Variants in IPCEF1 observed in about 807,000 individuals in gnomAD.
The protein encoded by IPCEF1 is interactor protein for cytohesin exchange factors 1.
IPCEF1 carries 31 observed loss-of-function variants against 50.9 expected under a neutral mutation model. That is an observed-to-expected ratio of 0.61 (90% confidence interval 0.46 to 0.82). The LOEUF is 0.82. Among genes scored for constraint, IPCEF1 ranks in the 40% least tolerant of loss-of-function variants. The pLI is 0.00. For synonymous variants in IPCEF1, 181 were observed against 192.0 expected (o/e 0.94, Z 0.47); for missense variants, 458 against 514.0 (o/e 0.89, Z 1.05).
In IPCEF1 at chr6:154,355,685, C is replaced by T. The variant is rs192752315; in HGVS notation, c.-62+987G>A. Among the ~76,000 whole-genome samples, 116 of 152,190 alleles carry T rather than the reference C, an allele frequency of 7.6e-4. 2 individuals are homozygous for T. The highest frequency in any genetic ancestry group is 6.5e-3 in the Admixed American group (99 of 15,286). On this transcript the variant is annotated intron_variant, in intron 1 of 11. Coordinates refer to ENST00000367220, the MANE Select transcript of IPCEF1 (RefSeq NM_001130700.2). Reference sequence around the variant, plus strand: ...TGTATTTTTAGTAGAGACGGGGTTTCATCATGTTGGCCAGGCTGGTCTCGA... The same window carrying T: ...TGTATTTTTAGTAGAGACGGGGTTTTATCATGTTGGCCAGGCTGGTCTCGA...
At chr6:154,308,131 A>C (rs1782983325) in intron 1 of IPCEF1, among the ~76,000 whole-genome samples, 1 of 152,114 alleles carries the variant, frequency 6.6e-6, no homozygotes, top group Non-Finnish European at 1.5e-5. Context: ...AGATATGATT[A>C]ATTTACTTAT....
chr6:154,324,808 G>A (rs1192071295), intron 1 of IPCEF1, among the ~76,000 whole-genome samples: 3 of 151,706 alleles, frequency 2.0e-5, no homozygotes, highest in Admixed American at 6.6e-5. Flanking sequence ...ATTCTGTCTC[G>A]AAACAAACAA....
At chr6:154,342,017 C>A (rs1178939387) in intron 1 of IPCEF1, among the ~76,000 whole-genome samples, 1 of 152,100 alleles carries the variant, frequency 6.6e-6, no homozygotes, top group East Asian at 1.9e-4. Context: ...ATGCAACATC[C>A]TTTTCCAAAT....
At chr6:154,195,056 T>C (rs1776477966) in intron 10 of IPCEF1, among the ~76,000 whole-genome samples, 1 of 152,118 alleles carries the variant, frequency 6.6e-6, no homozygotes, top group South Asian at 2.1e-4. Flanking sequence ...ACCTCAGCTG[T>C]TATGCAGGCT....
At chr6:154,235,487 C>T (rs62434801) in intron 5 of IPCEF1, among the ~76,000 whole-genome samples, 20,416 of 144,086 alleles carry the variant, frequency 0.14, 1,590 homozygotes, top group Non-Finnish European at 0.18. Context: ...GCCGAGATCG[C>T]ACCATTGCAC....
In IPCEF1 at chr6:154,303,904, G is replaced by C. The variant is rs375970746; in HGVS notation, c.-61-14148C>G. 3.9e-5 allele frequency among the ~76,000 whole-genome samples: 6 copies of C among 152,166 alleles called. No individual in the cohort carries two copies. The South Asian group carries it at 1.0e-3, about 26-fold the overall frequency. ...CCACTGCACTCCAGCCTGAGCAAGAGAGCAAGACGTCTCAAATAAAAAAAA... is the reference window on the plus strand; with the variant it reads ...CCACTGCACTCCAGCCTGAGCAAGACAGCAAGACGTCTCAAATAAAAAAAA... On this transcript the variant is annotated intron_variant, in intron 1 of 11. Coordinates refer to ENST00000367220, the MANE Select transcript of IPCEF1 (RefSeq NM_001130700.2).
rs145296167 is a variant in IPCEF1 at position 154,185,582 on chromosome 6, AC to A, written c.910+14085del. Among the ~76,000 whole-genome samples the A allele has an allele frequency of 8.1e-4, 124 of 152,336 alleles. No individual in the cohort carries two copies. The East Asian group carries it at 0.022, about 27-fold the overall frequency. ...CTATAGATTTGGCTTTGATTTTAAC[AC>A]AAAATATGCCATATGCTTATTATAA... is the stretch of plus-strand genomic sequence containing the variant. On this transcript the variant is annotated intron_variant, in intron 10 of 11. Transcript: ENST00000367220.
At chr6:154,294,648 C>T (rs1275234823) in intron 1 of IPCEF1, among the ~76,000 whole-genome samples, 1 of 152,164 alleles carries the variant, frequency 6.6e-6, no homozygotes, top group Non-Finnish European at 1.5e-5. Flanking sequence ...ACCTATGAGG[C>T]AGGAAGCCTA....
At chr6:154,164,254 A>C (rs1799248756) in intron 11 of IPCEF1, among the ~76,000 whole-genome samples, 1 of 152,186 alleles carries the variant, frequency 6.6e-6, no homozygotes, top group African/African-American at 2.4e-5. Context: ...TAGCTAATAA[A>C]ATTTTTAGAA....
chr6:154,350,252 G>C (rs914807671), intron 1 of IPCEF1, among the ~76,000 whole-genome samples: 7 of 152,080 alleles, frequency 4.6e-5, no homozygotes, highest in African/African-American at 1.4e-4. Flanking sequence ...CAGAATATTT[G>C]AACTTTTATT....
chr6:154,252,597 C>A (rs1781364588), intron 3 of IPCEF1, among the ~76,000 whole-genome samples: 1 of 152,120 alleles, frequency 6.6e-6, no homozygotes. Context: ...ACTGCTTGAA[C>A]CCCAGAGACG....
intron 1 of IPCEF1, among the ~76,000 whole-genome samples, chr6:154,354,129 T>C (rs915885749): frequency 9.8e-5 from 15 of 152,338 alleles, no homozygotes; most frequent in African/African-American, 3.4e-4. Context: ...CAATATGTTA[T>C]AGTCACCACT....
intron 10 of IPCEF1, among the ~76,000 whole-genome samples, chr6:154,196,689 C>T (rs564370451): frequency 6.6e-6 from 1 of 152,264 alleles, no homozygotes; most frequent in Non-Finnish European, 1.5e-5. Context: ...ATGAGGAGCA[C>T]AGGGTAAAAT....
At chr6:154,201,804 A>G (rs945993952) in intron 9 of IPCEF1, among the ~76,000 whole-genome samples, 73 of 152,222 alleles carry the variant, frequency 4.8e-4, no homozygotes, top group African/African-American at 1.6e-3. Context: ...CTGAGGCAGG[A>G]GAATCACTTG....
At chr6:154,191,661 G>GT (rs542428027) in intron 10 of IPCEF1, among the ~76,000 whole-genome samples, 191 of 144,046 alleles carry the variant, frequency 1.3e-3, no homozygotes, top group African/African-American at 4.5e-3. Flanking sequence ...GTGACAGAGT[G>GT]AGACTTTGCC....
At chr6:154,328,002 G>C (rs1043240305) in intron 1 of IPCEF1, among the ~76,000 whole-genome samples, 3 of 152,052 alleles carry the variant, frequency 2.0e-5, no homozygotes, top group Admixed American at 2.0e-4. Flanking sequence ...TTCTCAGTGA[G>C]AGCTGAATGA....
chr6:154,295,473 A>AAC lies in IPCEF1; in HGVS notation c.-61-5719_-61-5718dup, dbSNP rs72003797. 7.9e-5 allele frequency among the ~76,000 whole-genome samples: 12 copies of AAC among 151,432 alleles called. 1 individual carries two copies. In the Middle Eastern group the frequency reaches 0.014, roughly 174 times the overall value. Reference sequence around the variant, plus strand: ...CCCCATCTCACCGCACCCCACCACCAACACACACACACACCTCTTTCTGCT... The same window carrying AAC: ...CCCCATCTCACCGCACCCCACCACCAACACACACACACACACCTCTTTCTGCT... On this transcript the variant is annotated intron_variant, in intron 1 of 11. Transcript: ENST00000367220.
chr6:154,201,017 T>C (rs926276252), intron 9 of IPCEF1, among the ~76,000 whole-genome samples: 12 of 151,928 alleles, frequency 7.9e-5, no homozygotes, highest in African/African-American at 2.7e-4. Flanking sequence ...TGAGTTCTCA[T>C]GAGATCTGAT....
At chr6:154,285,571 T>G (rs754545460) in intron 2 of IPCEF1, among the ~76,000 whole-genome samples, 1 of 152,212 alleles carries the variant, frequency 6.6e-6, no homozygotes, top group Non-Finnish European at 1.5e-5. Flanking sequence ...AAACAGATTC[T>G]GTTTTCAAGG....
Sources: gnomAD v4.1 joint callset for allele counts (sites outside exome capture counted in the v4.1 genomes callset) on GRCh38, gnomAD v4.1.1 for gene constraint, MANE v1.5 for transcripts, NCBI Gene and HGNC (gene_info 2026-07-23, HGNC 2026-07-21) for gene names.